DMXL2: variants seen among roughly 807,000 people sequenced by gnomAD.
DMXL2 encodes Dmx like 2.
DMXL2 carries 103 observed loss-of-function variants against 331.1 expected under a neutral mutation model. That is an observed-to-expected ratio of 0.31 (90% CI 0.27 to 0.37). The LOEUF (loss-of-function observed/expected upper bound fraction) is 0.37, where lower values mean the gene tolerates loss of function less well. DMXL2 is among the 10% of genes least tolerant of loss of function. DMXL2 has a pLI of 1.00. For missense variants in DMXL2, 3,171 were observed against 3,642.9 expected, an observed-to-expected ratio of 0.87 and a Z score of 3.33; for synonymous variants, 1,281 against 1,252.1, an observed-to-expected ratio of 1.02 and a Z score of -0.49.
intron 1 of DMXL2, among the ~76,000 whole-genome samples, chr15:51,590,692 C>A (rs572606347): frequency 3.9e-5 from 6 of 152,166 alleles, no homozygotes; most frequent in Non-Finnish European, 7.4e-5. Context: ...CACCCAACTT[C>A]CATTTTAACT....
chr15:51,456,301 A>ATACT lies in DMXL2; in HGVS notation c.8398+4_8398+7dup. On this transcript the variant is annotated splice_region_variant and intron_variant, in intron 38 of 43. Transcript: ENST00000560891. ...GACACTTACAATTATTAGGTCATAAATACTTACAGTATTGATGGACTGGGT... is the reference window on the plus strand; with the variant it reads ...GACACTTACAATTATTAGGTCATAAATACTTACTTACAGTATTGATGGACTGGGT... 1.3e-6 allele frequency: 2 copies of ATACT among 1,597,544 alleles called. No individual in the cohort carries two copies. The highest frequency in any genetic ancestry group is 1.7e-6 in the Non-Finnish European group (2 of 1,172,832).
Position 51,562,623 on chromosome 15 carries a change from G to A in DMXL2, c.567+758C>T, listed in dbSNP as rs541350988. 8.5e-5 allele frequency among the ~76,000 whole-genome samples: 13 copies of A among 152,158 alleles called. No individual in the cohort carries two copies. In the East Asian group the frequency reaches 2.5e-3, roughly 29 times the overall value. Reference sequence around the variant, plus strand: ...GGATTATACTGAGAAAAGAGTCAAAGCAGTTCTAAGGATGAATTAGGTATA... The same window carrying A: ...GGATTATACTGAGAAAAGAGTCAAAACAGTTCTAAGGATGAATTAGGTATA... On this transcript the variant is annotated intron_variant, in intron 6 of 43. Coordinates refer to ENST00000560891, the MANE Select transcript of DMXL2 (RefSeq NM_001378457.1).
chr15:51,520,618 G>A (rs1217349477), intron 13 of DMXL2, among the ~76,000 whole-genome samples: 5 of 151,976 alleles, frequency 3.3e-5, no homozygotes, highest in African/African-American at 1.2e-4. Context: ...GCACTTTGGG[G>A]GGCCGAGCTG....
rs2042376005 is a variant in DMXL2, at chr15:51,486,074, T to C, written c.5481A>G (p.Gln1827=). ...EQTPKEDDEH[Q]VIIKSCNPVA... Reference sequence around the variant, plus strand: ...AAAGAAATCCACAAAACGTCCTACCTTGATGTTCATCATCCTCCTTTGGTG... The same window carrying C: ...AAAGAAATCCACAAAACGTCCTACCCTGATGTTCATCATCCTCCTTTGGTG... Residue 1827 remains glutamine (Q), a splice_region_variant and synonymous_variant, in exon 23 of 44, where the codon CAA becomes CAG. Coordinates refer to ENST00000560891, the MANE Select transcript of DMXL2 (RefSeq NM_001378457.1). 6.3e-7 allele frequency: 1 copy of C among 1,591,318 alleles called. No homozygotes were observed.
Position 51,521,536 on chromosome 15 carries a change from T to C in DMXL2, c.2437-4369A>G, listed in dbSNP as rs893748197. ...TAACTTTCCCAGCTGTTATTATTGT[T>C]AAGGTTACAAGTCAACTTGTGGAAT... is the stretch of plus-strand genomic sequence containing the variant. On this transcript the variant is annotated intron_variant, in intron 13 of 43. Transcript: ENST00000560891. Among the ~76,000 whole-genome samples the C allele has an allele frequency of 2.6e-5, 4 of 151,788 alleles. No individual in the cohort carries two copies. In the East Asian group the frequency reaches 7.7e-4, roughly 29 times the overall value.
intron 9 of DMXL2, among the ~76,000 whole-genome samples, chr15:51,540,981 A>C (rs958264020): frequency 7.9e-5 from 12 of 152,292 alleles, no homozygotes; most frequent in Non-Finnish European, 1.8e-4. Flanking sequence ...CAAGGTTTCT[A>C]ATATGTATTG....
intron 15 of DMXL2, among the ~76,000 whole-genome samples, chr15:51,508,991 A>C (rs1022237495): frequency 6.6e-6 from 1 of 152,154 alleles, no homozygotes; most frequent in African/African-American, 2.4e-5. Flanking sequence ...CCACCAACTG[A>C]ATCTTCCGAA....
At chr15:51,534,756 C>T (rs904317195) in intron 13 of DMXL2, among the ~76,000 whole-genome samples, 3 of 152,154 alleles carry the variant, frequency 2.0e-5, no homozygotes, top group African/African-American at 7.2e-5. Flanking sequence ...TACTTCCAGG[C>T]AATTTTCTCA....
At chr15:51,510,704 T>C (rs1394723760) in intron 15 of DMXL2, among the ~76,000 whole-genome samples, 1 of 152,132 alleles carries the variant, frequency 6.6e-6, no homozygotes, top group Non-Finnish European at 1.5e-5. Context: ...TTAAATTTCA[T>C]ATGGAACCAA....
chr15:51,512,467 T>G (rs548515730), intron 15 of DMXL2, among the ~76,000 whole-genome samples: 1 of 152,340 alleles, frequency 6.6e-6, no homozygotes, highest in Admixed American at 6.5e-5. Flanking sequence ...AAGTTATTTT[T>G]AGAAACGCAT....
intron 19 of DMXL2, among the ~76,000 whole-genome samples, chr15:51,493,899 CTTTT>C (rs1015012534): frequency 6.6e-6 from 1 of 152,016 alleles, no homozygotes; most frequent in African/African-American, 2.4e-5. Flanking sequence ...CATCAAACTT[CTTTT>C]TTATTTTATA....
intron 28 of DMXL2, among the ~76,000 whole-genome samples, chr15:51,473,095 C>G (rs987086606): frequency 1.3e-5 from 2 of 152,174 alleles, no homozygotes; most frequent in African/African-American, 4.8e-5. Flanking sequence ...CTGGAATGCT[C>G]TGGTCTCAGA....
At chr15:51,605,399 C>T (rs1051049634) in intron 1 of DMXL2, among the ~76,000 whole-genome samples, 22 of 151,922 alleles carry the variant, frequency 1.4e-4, no homozygotes, top group Non-Finnish European at 2.2e-4. Context: ...CAGGGTTTCA[C>T]CGTGTTGGCC....
intron 1 of DMXL2, among the ~76,000 whole-genome samples, chr15:51,607,528 G>C (rs2141370984): frequency 6.6e-6 from 1 of 152,252 alleles, no homozygotes; most frequent in East Asian, 1.9e-4. Context: ...AAGTCAGAAA[G>C]TCTGAAACAT....
intron 14 of DMXL2, 121 bp downstream of exon 14, chr15:51,516,957 T>G: frequency 1.3e-6 from 1 of 781,178 alleles, no homozygotes; most frequent in Non-Finnish European, 2.2e-6. Flanking sequence ...GGAATCAACA[T>G]AAGTTGTCTG....
intron 13 of DMXL2, among the ~76,000 whole-genome samples, chr15:51,530,488 A>ACCCC (rs760403040): frequency 2.2e-4 from 33 of 151,598 alleles, no homozygotes; most frequent in Non-Finnish European, 4.4e-4. Flanking sequence ...ACAGTGGCTC[A>ACCCC]CCCCTGTAAT....
intron 26 of DMXL2, among the ~76,000 whole-genome samples, chr15:51,478,003 A>G (rs1021955604): frequency 6.6e-6 from 1 of 152,072 alleles, no homozygotes; most frequent in African/African-American, 2.4e-5. Flanking sequence ...GTTATTATGG[A>G]CAGTAAACTC....
intron 1 of DMXL2, among the ~76,000 whole-genome samples, chr15:51,581,779 A>C (rs543163728): frequency 6.6e-6 from 1 of 152,328 alleles, no homozygotes; most frequent in African/African-American, 2.4e-5. Flanking sequence ...GATTAATTAC[A>C]TTAGCATTTA....
At chr15:51,595,367 A>T (rs996123837) in intron 1 of DMXL2, among the ~76,000 whole-genome samples, 7 of 152,220 alleles carry the variant, frequency 4.6e-5, no homozygotes, top group African/African-American at 1.7e-4. Context: ...CTTACAAAGG[A>T]CATGAAGGAC....
Sources: allele counts gnomAD v4.1 joint callset (sites outside exome capture counted in the v4.1 genomes callset), GRCh38; gene constraint gnomAD v4.1.1; transcripts MANE v1.5; gene names NCBI Gene and HGNC (gene_info 2026-07-23, HGNC 2026-07-21).